The following SYNE1 variants were observed in gnomAD, a reference collection of about 807,000 sequenced individuals.
The protein encoded by SYNE1 is nesprin-1.
In SYNE1, 616 loss-of-function variants were observed where a neutral mutation model predicts 1,111.0. That is an observed-to-expected ratio of 0.55 (90% CI 0.52 to 0.59). SYNE1 has a LOEUF of 0.59. SYNE1 is among the 20% of genes least tolerant of loss of function. SYNE1 has a pLI of 0.00. For synonymous variants in SYNE1, 3,855 were observed against 3,825.8 expected (o/e 1.01, Z -0.28); for missense variants, 10,006 against 10,417.0 (o/e 0.96, Z 1.72).
chr6:152,231,704 T>G (rs766960140), intron 113 of SYNE1, 137 bp from the exon 114 acceptor site: 7 of 889,720 alleles, frequency 7.9e-6, no homozygotes, highest in African/African-American at 6.8e-5. Context: ...TTTGTCTGTG[T>G]TCACACAACC....
chr6:152,368,693 G>A, intron 61 of SYNE1: 1 of 414,950 alleles, frequency 2.4e-6, no homozygotes, highest in South Asian at 2.6e-5. Context: ...TATCATTTCA[G>A]TATTAAAAGG....
In SYNE1 at chr6:152,249,245, C is replaced by G; in HGVS notation, c.19488G>C (p.Leu6496=). The G allele has an allele frequency of 1.9e-6, 3 of 1,612,382 alleles. No homozygotes were observed. The highest frequency in any genetic ancestry group is 1.7e-6 in the Non-Finnish European group (2 of 1,178,450). Residue 6496 remains leucine (L), a synonymous_variant, in exon 105 of 146, where the codon CTG becomes CTC. Coordinates refer to ENST00000367255, the MANE Select transcript of SYNE1 (RefSeq NM_182961.4). The part of the protein sequence containing the change: ...ILNFQNDLKV[L]FTSLADNKYI... ...ATTTGTTGTCAGCCAGTGATGTAAACAGCACTTTCAGATCATTCTAAGGAG... is the reference window on the plus strand; with the variant it reads ...ATTTGTTGTCAGCCAGTGATGTAAAGAGCACTTTCAGATCATTCTAAGGAG...
intron 76 of SYNE1, chr6:152,336,542 C>A (rs1042682969): frequency 9.2e-6 from 4 of 436,094 alleles, no homozygotes; most frequent in Non-Finnish European, 1.7e-5. Flanking sequence ...CCCTTGCATG[C>A]GCAGTTCACA....
chr6:152,380,446 C>CAAA (rs1229577439), intron 56 of SYNE1: 3 of 107,108 alleles, frequency 2.8e-5, no homozygotes, highest in Non-Finnish European at 6.0e-5. Flanking sequence ...CCATTAGCTT[C>CAAA]AAAAAAAAAA....
chr6:152,603,607 A>C (rs1232803235), intron 3 of SYNE1, among the ~76,000 whole-genome samples: 8 of 151,906 alleles, frequency 5.3e-5, no homozygotes, highest in Admixed American at 5.2e-4. Context: ...ATGGTTGGAG[A>C]CTTTATTTGA....
rs762273077 is a variant in SYNE1, at chr6:152,141,261, C to T, written c.25188G>A (p.Glu8396=). Residue 8396 remains glutamate, a synonymous_variant, in exon 139 of 146, where the codon GAG becomes GAA. Transcript: ENST00000367255. ...SVKRLEHKLK[E]EEESLPGFVN... is the part of the protein sequence containing the mutation. The stretch of plus-strand genomic sequence containing the variant: ...CAAAGCCAGGAAGGCTCTCCTCTTC[C>T]TCCTTCAGTTTGTGCTCCAGTCTCT... 1.9e-6 allele frequency: 3 copies of T among 1,614,218 alleles called. No homozygotes were observed. The highest frequency in any genetic ancestry group is 2.7e-5 in the African/African-American group (2 of 75,056).
At chr6:152,476,867 TA>T (rs4034729) in intron 14 of SYNE1, among the ~76,000 whole-genome samples, 63,583 of 139,834 alleles carry the variant, frequency 0.45, 15,537 homozygotes, top group Admixed American at 0.55. Flanking sequence ...AGACCCTATC[TA>T]AAAAAAAAAA....
At chr6:152,419,873 C>T in intron 39 of SYNE1, 151 bp from the exon 40 acceptor site, 1 of 786,590 alleles carries the variant, frequency 1.3e-6, no homozygotes, top group East Asian at 2.7e-5. Context: ...CTTCCCAAAC[C>T]CTGCTTTACT....
At chr6:152,218,188 T>C in intron 121 of SYNE1, 69 bp downstream of exon 121, 17 of 1,572,540 alleles carry the variant, frequency 1.1e-5, no homozygotes, top group Non-Finnish European at 1.4e-5. Flanking sequence ...TGAGACTCCA[T>C]CTCAAAAAAA....
intron 73 of SYNE1, 119 bp downstream of exon 73, chr6:152,346,940 G>T (rs1447273118): frequency 5.0e-6 from 6 of 1,208,422 alleles, no homozygotes; most frequent in Non-Finnish European, 5.8e-6. Flanking sequence ...TTCCTGTCTG[G>T]CAACACACCA....
At chr6:152,252,340 C>T (rs960220119) in intron 104 of SYNE1, among the ~76,000 whole-genome samples, 9 of 152,008 alleles carry the variant, frequency 5.9e-5, no homozygotes, top group Admixed American at 5.9e-4. Context: ...CTGCCTCACT[C>T]ATTCATTAAA....
chr6:152,530,974 C>T (rs1378083029), intron 4 of SYNE1, among the ~76,000 whole-genome samples: 1 of 144,544 alleles, frequency 6.9e-6, no homozygotes, highest in Non-Finnish European at 1.5e-5. Flanking sequence ...CATCCCTTTG[C>T]CCAGGGTATT....
intron 74 of SYNE1, among the ~76,000 whole-genome samples, chr6:152,343,717 G>A (rs1223618139): frequency 1.3e-5 from 2 of 151,572 alleles, no homozygotes; most frequent in Non-Finnish European, 2.9e-5. Context: ...ACAGGTGCAC[G>A]TCACCATGCC....
chr6:152,315,031 AT>A (rs1334064716), intron 87 of SYNE1, among the ~76,000 whole-genome samples: 7 of 149,926 alleles, frequency 4.7e-5, no homozygotes, highest in Non-Finnish European at 1.0e-4. Flanking sequence ...TAAGGACTTC[AT>A]TATATTTTAT....
intron 127 of SYNE1, among the ~76,000 whole-genome samples, chr6:152,190,899 G>A (rs1317390128): frequency 6.6e-6 from 1 of 152,236 alleles, no homozygotes; most frequent in African/African-American, 2.4e-5. Context: ...TCAGTATGAT[G>A]CTACCTGTGG....
chr6:152,599,218 C>T (rs1207233082), intron 3 of SYNE1, among the ~76,000 whole-genome samples: 2 of 152,200 alleles, frequency 1.3e-5, no homozygotes, highest in Non-Finnish European at 1.5e-5. Flanking sequence ...AAGCCACTGG[C>T]TAATAATGAC....
intron 2 of SYNE1, among the ~76,000 whole-genome samples, chr6:152,634,683 G>A (rs1484613935): frequency 6.6e-6 from 1 of 152,174 alleles, no homozygotes; most frequent in Non-Finnish European, 1.5e-5. Flanking sequence ...GAACAAGTAA[G>A]CAAAAGACAA....
In SYNE1 at chr6:152,319,241, T is replaced by C. The variant is rs899296596; in HGVS notation, c.16237-226A>G. Among the ~76,000 whole-genome samples the C allele has an allele frequency of 4.6e-5, 7 of 152,322 alleles. No homozygotes were observed. The East Asian group carries it at 1.3e-3, about 29-fold the overall frequency. ...TGTGTTCCAGCAAAGATACAAGCAA[T>C]GTGTGTAGAGAAATTCACTTATTAA... is the stretch of plus-strand genomic sequence containing the variant. On this transcript the variant is annotated intron_variant, in intron 84 of 145. Transcript: ENST00000367255.
In SYNE1 at chr6:152,376,633, C is replaced by A. The variant is rs902512174; in HGVS notation, c.9147-75G>T. ...ATGAAAATCATGTTTGATAGAATCA[C>A]CAGTTCTTAGAATGTGCACTTACCT... is the stretch of plus-strand genomic sequence containing the variant. On this transcript the variant is annotated intron_variant, in intron 57 of 145. Transcript: ENST00000367255. 44 of 1,584,830 alleles carry A rather than the reference C, an allele frequency of 2.8e-5. No homozygotes were observed. The African/African-American group carries it at 5.0e-4, about 18-fold the overall frequency.
Sources: gnomAD v4.1 joint callset for allele counts (sites outside exome capture counted in the v4.1 genomes callset) on GRCh38, gnomAD v4.1.1 for gene constraint, MANE v1.5 for transcripts, NCBI Gene and HGNC (gene_info 2026-07-23, HGNC 2026-07-21) for gene names.